Variants in ZNF90 observed in about 807,000 individuals in gnomAD.
ZNF90 encodes the protein zinc finger protein 90, also known as zinc finger protein HTF9.
A neutral mutation model predicts 12.0 loss-of-function variants in ZNF90; 11 were observed. The ratio of observed to expected loss-of-function variants is 0.92; its 90% CI spans 0.58 to 1.52. ZNF90 has a LOEUF of 1.52. Ranked by LOEUF, ZNF90 falls within the 40% of genes most tolerant of loss-of-function variation. The pLI is 0.00. For missense variants in ZNF90, 765 were observed against 711.5 expected, an observed-to-expected ratio of 1.08 and a Z score of -0.86; for synonymous variants, 232 against 240.1, an observed-to-expected ratio of 0.97 and a Z score of 0.31.
chr19:20,092,490 T>C (rs1213662960), intron 1 of ZNF90, among the ~76,000 whole-genome samples: 1 of 152,082 alleles, frequency 6.6e-6, no homozygotes, highest in Non-Finnish European at 1.5e-5. Flanking sequence ...AGAGCTAGAA[T>C]AGGGGCAGTC....
intron 1 of ZNF90, among the ~76,000 whole-genome samples, chr19:20,087,838 G>A (rs1171912381): frequency 6.6e-6 from 1 of 152,136 alleles, no homozygotes; most frequent in Non-Finnish European, 1.5e-5. Context: ...GTAGGTAAAG[G>A]AAAATTAAAG....
chr19:20,079,615 C>CA (rs59459863), intron 1 of ZNF90, among the ~76,000 whole-genome samples: 2,898 of 152,042 alleles, frequency 0.019, 94 homozygotes, highest in African/African-American at 0.067. Context: ...ATGGAGGGTG[C>CA]AAAAGTCAGA....
intron 3 of ZNF90, among the ~76,000 whole-genome samples, chr19:20,114,625 C>T (rs912246775): frequency 6.6e-6 from 1 of 151,666 alleles, no homozygotes; most frequent in African/African-American, 2.4e-5. Flanking sequence ...ACTCTAATTC[C>T]GTTTTTGTCA....
rs2089154996 is a variant in ZNF90, at chr19:20,117,946, A to G, written c.392A>G (p.Asn131Ser). 6.2e-7 allele frequency: 1 copy of G among 1,613,582 alleles called. No individual in the cohort carries two copies. The highest frequency in any genetic ancestry group is 8.5e-7 in the Non-Finnish European group (1 of 1,179,798). The change falls in exon 4 of 4, where the codon AAT becomes AGT. Residue 131 changes from asparagine (N) to serine (S), a missense_variant. Coordinates refer to ENST00000418063, the MANE Select transcript of ZNF90 (RefSeq NM_007138.2). Reference sequence around the variant, plus strand: ...GGTAAAGTACACAAAAGAGGTTATAATGGACTTAACCAATGTTTGACAGCT... The same window carrying G: ...GGTAAAGTACACAAAAGAGGTTATAGTGGACTTAACCAATGTTTGACAGCT... ...DEGKVHKRGY[N>S]GLNQCLTATQ...
chr19:20,101,646 T>A (rs1049836846), intron 1 of ZNF90, among the ~76,000 whole-genome samples: 1 of 152,204 alleles, frequency 6.6e-6, no homozygotes, highest in East Asian at 1.9e-4. Flanking sequence ...CTGCCATTTG[T>A]TGTCATGCTA....
chr19:20,080,792 A>T lies in ZNF90; in HGVS notation c.3+2657A>T, dbSNP rs1379678309. Among the ~76,000 whole-genome samples the T allele has an allele frequency of 3.9e-5, 6 of 152,124 alleles. No homozygotes were observed. In the South Asian group the frequency reaches 1.2e-3, roughly 32 times the overall value. On this transcript the variant is annotated intron_variant, in intron 1 of 3. Coordinates refer to ENST00000418063, the MANE Select transcript of ZNF90 (RefSeq NM_007138.2). ...CAATGTTGTGGGACTGAGCACTGAA[A>T]CGGGGTCTGTGCTGACTCTGGGTGG...
chr19:20,079,478 T>C (rs2088804431), intron 1 of ZNF90, among the ~76,000 whole-genome samples: 3 of 151,768 alleles, frequency 2.0e-5, no homozygotes, highest in Admixed American at 1.3e-4. Flanking sequence ...CAAAAACATA[T>C]TGCAACAGGA....
chr19:20,106,338 A>G (rs2089038024), intron 3 of ZNF90, among the ~76,000 whole-genome samples: 1 of 152,050 alleles, frequency 6.6e-6, no homozygotes, highest in African/African-American at 2.4e-5. Flanking sequence ...TGGATTTTTT[A>G]TTTATTTCAC....
intron 3 of ZNF90, among the ~76,000 whole-genome samples, chr19:20,111,992 G>A (rs782791719): frequency 2.0e-5 from 3 of 151,798 alleles, no homozygotes; most frequent in Non-Finnish European, 4.4e-5. Context: ...CTGTGTAGCT[G>A]GGATTACAGG....
intron 1 of ZNF90, among the ~76,000 whole-genome samples, chr19:20,082,798 CT>C (rs2088830283): frequency 6.6e-6 from 1 of 152,160 alleles, no homozygotes; most frequent in Non-Finnish European, 1.5e-5. Flanking sequence ...AGAGAAAGTC[CT>C]CTTTGCAGTT....
chr19:20,102,335 T>C (rs567604549), intron 1 of ZNF90, among the ~76,000 whole-genome samples: 2 of 152,318 alleles, frequency 1.3e-5, no homozygotes, highest in South Asian at 4.1e-4. Flanking sequence ...ACCTGACTTA[T>C]ACCCATCCTT....
At chr19:20,087,916 G>A (rs1247627122) in intron 1 of ZNF90, among the ~76,000 whole-genome samples, 1 of 152,162 alleles carries the variant, frequency 6.6e-6, no homozygotes, top group Non-Finnish European at 1.5e-5. Flanking sequence ...GGTGCTTTTT[G>A]AGCCAGGATG....
At chr19:20,117,670 C>G (rs1199103534) in intron 3 of ZNF90, 111 bp from the exon 4 acceptor site, 1 of 1,406,444 alleles carries the variant, frequency 7.1e-7, no homozygotes, top group Non-Finnish European at 9.3e-7. Flanking sequence ...TTGTTTCTTT[C>G]AGTTATGTGT....
chr19:20,083,971 G>T (rs1268678227), intron 1 of ZNF90, among the ~76,000 whole-genome samples: 1 of 152,022 alleles, frequency 6.6e-6, no homozygotes, highest in Non-Finnish European at 1.5e-5. Context: ...GCTTAGGCTG[G>T]TCCCAAACTT....
At chr19:20,110,468 C>T (rs1379241761) in intron 3 of ZNF90, among the ~76,000 whole-genome samples, 6 of 151,920 alleles carry the variant, frequency 3.9e-5, no homozygotes, top group Non-Finnish European at 8.8e-5. Flanking sequence ...TTGGTAGAGA[C>T]GGGGCCAGGC....
intron 3 of ZNF90, among the ~76,000 whole-genome samples, chr19:20,115,213 A>C (rs2089126485): frequency 6.6e-6 from 1 of 152,128 alleles, no homozygotes; most frequent in Non-Finnish European, 1.5e-5. Flanking sequence ...ATTAGATCTC[A>C]ACTGACTCTT....
At chr19:20,097,850 AC>A (rs2088960972) in intron 1 of ZNF90, among the ~76,000 whole-genome samples, 1 of 152,240 alleles carries the variant, frequency 6.6e-6, no homozygotes, top group South Asian at 2.1e-4. Context: ...CACATTGGAC[AC>A]TATATCCCAT....
chr19:20,101,816 G>A (rs576216405), intron 1 of ZNF90, among the ~76,000 whole-genome samples: 1 of 152,268 alleles, frequency 6.6e-6, no homozygotes, highest in African/African-American at 2.4e-5. Context: ...GCAGAGCTGT[G>A]TCCACTTTGC....
At chr19:20,088,785 T>C (rs1283384940) in intron 1 of ZNF90, among the ~76,000 whole-genome samples, 1 of 152,188 alleles carries the variant, frequency 6.6e-6, no homozygotes, top group Non-Finnish European at 1.5e-5. Flanking sequence ...TTACACAGGC[T>C]ACAGAAGGTC....
Sources: allele counts gnomAD v4.1 joint callset (sites outside exome capture counted in the v4.1 genomes callset), GRCh38; gene constraint gnomAD v4.1.1; transcripts MANE v1.5; gene names NCBI Gene and HGNC (gene_info 2026-07-23, HGNC 2026-07-21).